WDR70: variants seen among roughly 807,000 people sequenced by gnomAD.
WDR70 encodes WD repeat-containing protein 70.
A neutral mutation model predicts 88.6 loss-of-function variants in WDR70; 53 were observed. The observed-to-expected ratio is 0.60, with a 90% confidence interval of 0.48 to 0.75. WDR70 has a LOEUF of 0.75. WDR70 is among the 30% of genes least tolerant of loss of function. The pLI, the probability that WDR70 is intolerant of heterozygous loss-of-function variation, is 0.00. For missense variants in WDR70, 610 were observed against 823.2 expected (o/e 0.74, Z 3.17); for synonymous variants, 280 against 270.0 (o/e 1.04, Z -0.36).
At chr5:37,441,015 C>G (rs1344875103) in intron 6 of WDR70, among the ~76,000 whole-genome samples, 1 of 152,186 alleles carries the variant, frequency 6.6e-6, no homozygotes, top group Non-Finnish European at 1.5e-5. Context: ...GGTGCTTATA[C>G]TCTTGAGGGA....
intron 10 of WDR70, among the ~76,000 whole-genome samples, chr5:37,622,047 G>A (rs994327497): frequency 6.6e-5 from 10 of 152,066 alleles, no homozygotes; most frequent in Non-Finnish European, 1.5e-4. Context: ...GTAGATATGC[G>A]GCATTATTTC....
chr5:37,436,740 A>G (rs933600227), intron 5 of WDR70, among the ~76,000 whole-genome samples: 4 of 152,164 alleles, frequency 2.6e-5, no homozygotes, highest in African/African-American at 9.6e-5. Context: ...CGATTGAGCA[A>G]TAAATTTTAG....
At chr5:37,559,784 G>C (rs1742444311) in intron 9 of WDR70, among the ~76,000 whole-genome samples, 1 of 151,684 alleles carries the variant, frequency 6.6e-6, no homozygotes, top group African/African-American at 2.4e-5. Context: ...GGCAGAGGTT[G>C]TGGTGAGCTG....
intron 9 of WDR70, among the ~76,000 whole-genome samples, chr5:37,557,908 T>TTTGAATACTCTTCAAAAGAGTACTCTG (rs1742341828): frequency 7.6e-6 from 1 of 131,698 alleles, no homozygotes; most frequent in African/African-American, 2.7e-5. Flanking sequence ...TTTATACTCT[T>TTTGAATACTCTTCAAAAGAGTACTCTG]TTGAAAACTC....
chr5:37,451,806 C>T (rs1581292603), intron 7 of WDR70, among the ~76,000 whole-genome samples: 1 of 152,058 alleles, frequency 6.6e-6, no homozygotes, highest in Non-Finnish European at 1.5e-5. Flanking sequence ...CCATTCTGGC[C>T]AACATGATGA....
chr5:37,597,899 A>C (rs920478494), intron 9 of WDR70, among the ~76,000 whole-genome samples: 1 of 152,234 alleles, frequency 6.6e-6, no homozygotes, highest in African/African-American at 2.4e-5. Flanking sequence ...GTATTTAAGA[A>C]ATCTTTGCCT....
chr5:37,705,271 A>G (rs900003022), intron 13 of WDR70, among the ~76,000 whole-genome samples: 2 of 152,166 alleles, frequency 1.3e-5, no homozygotes, highest in African/African-American at 4.8e-5. Context: ...AAGGTAAGGG[A>G]ATAAAGGATA....
intron 5 of WDR70, among the ~76,000 whole-genome samples, chr5:37,412,462 T>A (rs1749555469): frequency 6.6e-6 from 1 of 152,090 alleles, no homozygotes. Flanking sequence ...TTTTTTTTTT[T>A]AGGGATGAAG....
At chr5:37,491,569 A>G (rs1304851290) in intron 8 of WDR70, among the ~76,000 whole-genome samples, 1 of 152,228 alleles carries the variant, frequency 6.6e-6, no homozygotes, top group Admixed American at 6.5e-5. Flanking sequence ...AGATATCTCC[A>G]TTAGCGGATC....
intron 10 of WDR70, among the ~76,000 whole-genome samples, chr5:37,608,188 T>C (rs911476138): frequency 6.6e-6 from 1 of 151,924 alleles, no homozygotes; most frequent in African/African-American, 2.4e-5. Context: ...ACTACAGGCA[T>C]GCGCTACCAC....
At chr5:37,411,826 A>C (rs907494004) in intron 5 of WDR70, among the ~76,000 whole-genome samples, 2 of 152,098 alleles carry the variant, frequency 1.3e-5, no homozygotes, top group African/African-American at 4.8e-5. Context: ...AACTGTGATT[A>C]ATTTTTTTGT....
intron 13 of WDR70, among the ~76,000 whole-genome samples, chr5:37,707,941 AAAAAAAAATATATATATATATATAT>A (rs1226814546): frequency 3.1e-5 from 1 of 32,608 alleles, no homozygotes; most frequent in Non-Finnish European, 5.9e-5. Context: ...AAAAAAAAAA[AAAAAAAAATATATATATATATATAT>A]ATATATATAT....
chr5:37,412,476 G>C (rs757204239), intron 5 of WDR70, among the ~76,000 whole-genome samples: 1 of 151,936 alleles, frequency 6.6e-6, no homozygotes, highest in South Asian at 2.1e-4. Flanking sequence ...GATGAAGGAG[G>C]TTCTAACTCA....
chr5:37,591,072 A>AC (rs1344498615), intron 9 of WDR70, among the ~76,000 whole-genome samples: 1 of 152,196 alleles, frequency 6.6e-6, no homozygotes, highest in African/African-American at 2.4e-5. Flanking sequence ...GTGATGGCTC[A>AC]CCCCTGTAAT....
chr5:37,520,832 G>T (rs1741063170), intron 9 of WDR70, among the ~76,000 whole-genome samples: 1 of 152,174 alleles, frequency 6.6e-6, no homozygotes, highest in African/African-American at 2.4e-5. Flanking sequence ...TTAAATATTG[G>T]AGTACTGAAG....
At chr5:37,724,645 TTAAG>T (rs1463395566) in intron 15 of WDR70, 2 of 302,618 alleles carry the variant, frequency 6.6e-6, no homozygotes, top group Non-Finnish European at 1.2e-5. Context: ...ACCACGGTAA[TTAAG>T]TTTTAACTGC....
chr5:37,414,051 A>G (rs749566886), intron 5 of WDR70, among the ~76,000 whole-genome samples: 9 of 148,918 alleles, frequency 6.0e-5, no homozygotes, highest in Admixed American at 4.1e-4. Flanking sequence ...AGGCTGAGGC[A>G]GGAGAATCGC....
chr5:37,669,856 C>T (rs1581479889), intron 10 of WDR70, among the ~76,000 whole-genome samples: 1 of 152,158 alleles, frequency 6.6e-6, no homozygotes, highest in African/African-American at 2.4e-5. Context: ...AAATGAAGTG[C>T]TGATACATAC....
intron 9 of WDR70, among the ~76,000 whole-genome samples, chr5:37,525,918 C>T (rs1166805382): frequency 6.6e-6 from 1 of 152,098 alleles, no homozygotes; most frequent in African/African-American, 2.4e-5. Context: ...ATACACCCTC[C>T]CAAGACTAAA....
Sources: allele counts gnomAD v4.1 joint callset (sites outside exome capture counted in the v4.1 genomes callset), GRCh38; gene constraint gnomAD v4.1.1; transcripts MANE v1.5; gene names NCBI Gene and HGNC (gene_info 2026-07-23, HGNC 2026-07-21).